Variants in RNF130 observed in about 807,000 individuals in gnomAD.
RNF130 encodes the protein E3 ubiquitin-protein ligase RNF130.
A neutral mutation model predicts 44.6 loss-of-function variants in RNF130; 21 were observed. The observed-to-expected ratio is 0.47, with a 90% CI of 0.33 to 0.68. The LOEUF is 0.68. Among genes scored for constraint, RNF130 ranks in the 30% least tolerant of loss-of-function variants. The pLI, the probability that RNF130 is intolerant of heterozygous loss-of-function variation, is 0.02. For missense variants in RNF130, 479 were observed against 560.6 expected (o/e 0.85, Z 1.47); for synonymous variants, 214 against 210.4 (o/e 1.02, Z -0.15).
intron 7 of RNF130, among the ~76,000 whole-genome samples, chr5:179,927,891 A>C (rs1161236521): frequency 2.0e-5 from 3 of 151,926 alleles, no homozygotes; most frequent in African/African-American, 7.3e-5. Flanking sequence ...TGCCCGGCCT[A>C]GCTTTGTCTA....
rs192691982 is a variant in RNF130, at chr5:180,044,950, G to A, written c.248-4303C>T. On this transcript the variant is annotated intron_variant, in intron 1 of 8. Coordinates refer to ENST00000521389, the MANE Select transcript of RNF130 (RefSeq NM_018434.6). ...CTTAAGAGACTGAAGGAGGGAGGAG[G>A]GCAGGACGATGGTCAAGATTTAGTG... Among the ~76,000 whole-genome samples the A allele has an allele frequency of 2.4e-4, 36 of 152,308 alleles. No homozygotes were observed. The Middle Eastern group carries it at 0.014, about 58-fold the overall frequency.
At chr5:179,945,185 T>TC (rs1204707414) in intron 7 of RNF130, among the ~76,000 whole-genome samples, 1 of 152,140 alleles carries the variant, frequency 6.6e-6, no homozygotes, top group Non-Finnish European at 1.5e-5. Context: ...GGCTGGGCCT[T>TC]CCTAAGGGCT....
downstream of RNF130, among the ~76,000 whole-genome samples, chr5:179,950,851 A>G (rs1034972353): frequency 2.6e-5 from 4 of 152,236 alleles, no homozygotes; most frequent in African/African-American, 9.6e-5. Context: ...CTGCTGATGA[A>G]GGAAAATAAT....
intron 5 of RNF130, 78 bp downstream of exon 5, chr5:179,978,125 G>A (rs1762757701): frequency 8.0e-7 from 1 of 1,251,026 alleles, no homozygotes; most frequent in South Asian, 1.2e-5. Context: ...TCAAAAGCAA[G>A]GGAGATGCCC....
rs143376016 is a variant in RNF130 at position 180,045,011 on chromosome 5, G to A, written c.248-4364C>T. On this transcript the variant is annotated intron_variant, in intron 1 of 8. Transcript: ENST00000521389. ...CCCACATGGAACCCCTGAAACTTGCGCAGCCAGGAAGGAGGTGGATACGCA... is the reference window on the plus strand; with the variant it reads ...CCCACATGGAACCCCTGAAACTTGCACAGCCAGGAAGGAGGTGGATACGCA... Among the ~76,000 whole-genome samples, 22 of 152,216 alleles carry A rather than the reference G, an allele frequency of 1.4e-4. No individual in the cohort carries two copies. The East Asian group carries it at 3.9e-3, about 27-fold the overall frequency.
intron 1 of RNF130, among the ~76,000 whole-genome samples, chr5:180,058,610 T>C (rs994853167): frequency 6.6e-6 from 1 of 152,094 alleles, no homozygotes; most frequent in African/African-American, 2.4e-5. Context: ...AGCTGGAGTG[T>C]AGTAGTGTGA....
chr5:179,974,176 A>G (rs991540707), intron 5 of RNF130, among the ~76,000 whole-genome samples: 1 of 152,250 alleles, frequency 6.6e-6, no homozygotes, highest in Non-Finnish European at 1.5e-5. Context: ...TGGGGCTGGC[A>G]GCAGTCTCTG....
At chr5:179,971,279 G>A (rs1762577382) in intron 5 of RNF130, among the ~76,000 whole-genome samples, 1 of 152,198 alleles carries the variant, frequency 6.6e-6, no homozygotes, top group Non-Finnish European at 1.5e-5. Context: ...TAGAGTCCTG[G>A]CCAAACAGGG....
chr5:179,920,306 A>G (rs777585477), exon 8 of RNF130: 1 of 695,418 alleles, frequency 1.4e-6, no homozygotes, highest in South Asian at 1.5e-5. Flanking sequence ...CAGCCAGGCC[A>G]TGTTTAAAAT....
chr5:180,066,053 A>G (rs1561714797), intron 1 of RNF130, among the ~76,000 whole-genome samples: 2 of 152,222 alleles, frequency 1.3e-5, no homozygotes, highest in Non-Finnish European at 2.9e-5. Context: ...ACTGCTGCAT[A>G]ATATGTGCAT....
intron 2 of RNF130, among the ~76,000 whole-genome samples, chr5:180,039,047 C>T (rs866940065): frequency 6.6e-6 from 1 of 152,172 alleles, no homozygotes; most frequent in Non-Finnish European, 1.5e-5. Flanking sequence ...ACATAGATGT[C>T]CAGCTAAATT....
intron 5 of RNF130, 39 bp from the exon 6 acceptor site, chr5:179,970,545 C>T (rs768643770): frequency 1.3e-6 from 2 of 1,489,896 alleles, no homozygotes; most frequent in Admixed American, 3.8e-5. Flanking sequence ...AGTTACATAC[C>T]AAGAAACTTA....
intron 1 of RNF130, among the ~76,000 whole-genome samples, chr5:180,050,753 A>C (rs1430346104): frequency 6.6e-6 from 1 of 152,190 alleles, no homozygotes; most frequent in Non-Finnish European, 1.5e-5. Context: ...ATTAAGTAAA[A>C]AATTCCAGAC....
chr5:179,953,473 A>T (rs1290307267), downstream of RNF130, among the ~76,000 whole-genome samples: 2 of 152,194 alleles, frequency 1.3e-5, no homozygotes, highest in Non-Finnish European at 2.9e-5. Flanking sequence ...ACATAAACTC[A>T]TATGTCATTC....
chr5:179,997,911 G>A (rs1203710723), intron 3 of RNF130, among the ~76,000 whole-genome samples: 4 of 150,862 alleles, frequency 2.7e-5, no homozygotes, highest in South Asian at 4.2e-4. Context: ...GTGTGATCTC[G>A]GCTCACTGCA....
rs200691698 is a variant in RNF130, at chr5:180,000,584, CTTAT to C, written c.693+12473_693+12476del. ...TAGGCGTTCTTCATTATTTTTCATT[CTTAT>C]TTCTTTTTTTTTGTCTCTGACTTGT... is the stretch of plus-strand genomic sequence containing the variant. On this transcript the variant is annotated intron_variant, in intron 3 of 8. Transcript: ENST00000521389. 2.7e-3 allele frequency among the ~76,000 whole-genome samples: 416 copies of C among 151,874 alleles called. 2 individuals are homozygous for C. In the East Asian group the frequency reaches 0.028, roughly 10 times the overall value.
chr5:180,006,400 C>T (rs555140700), intron 3 of RNF130, among the ~76,000 whole-genome samples: 5 of 152,286 alleles, frequency 3.3e-5, no homozygotes, highest in African/African-American at 1.2e-4. Context: ...TTTCCACATT[C>T]TGACAGGCAA....
At chr5:179,962,118 G>A (rs1762345012) in intron 8 of RNF130, among the ~76,000 whole-genome samples, 1 of 152,204 alleles carries the variant, frequency 6.6e-6, no homozygotes. Flanking sequence ...GGAATTAGGT[G>A]CGCCATGCTG....
At chr5:180,006,916 T>C (rs1329908489) in intron 3 of RNF130, among the ~76,000 whole-genome samples, 2 of 152,212 alleles carry the variant, frequency 1.3e-5, no homozygotes, top group Non-Finnish European at 1.5e-5. Flanking sequence ...AGTAATTAGA[T>C]ACATTCTGAC....
Sources: gnomAD v4.1 joint callset for allele counts (sites outside exome capture counted in the v4.1 genomes callset) on GRCh38, gnomAD v4.1.1 for gene constraint, MANE v1.5 for transcripts, NCBI Gene and HGNC (gene_info 2026-07-23, HGNC 2026-07-21) for gene names.